Variants in ITGA8 observed in about 807,000 individuals in gnomAD.
The protein encoded by ITGA8 is integrin alpha-8.
Under a neutral mutation model 142.3 loss-of-function variants are expected in ITGA8, and 91 were observed. The observed-to-expected ratio is 0.64, with a 90% CI of 0.54 to 0.76. The LOEUF is 0.76. ITGA8 is among the 30% of genes least tolerant of loss of function. The pLI is 0.00. For synonymous variants in ITGA8, 505 were observed against 485.2 expected, an observed-to-expected ratio of 1.04 and a Z score of -0.54; for missense variants, 1,406 against 1,327.7, an observed-to-expected ratio of 1.06 and a Z score of -0.92.
chr10:15,714,154 A>G (rs1410737646), intron 2 of ITGA8, among the ~76,000 whole-genome samples: 2 of 152,204 alleles, frequency 1.3e-5, no homozygotes, highest in Non-Finnish European at 2.9e-5. Flanking sequence ...CTTGTATGCT[A>G]TACTTTGGAA....
rs771193613 is a variant in ITGA8 at position 15,604,293 on chromosome 10, T to C, written c.2033A>G (p.Asn678Ser). The stretch of plus-strand genomic sequence containing the variant: ...AGCTTCATATGCTCCTTCCCCTTCA[T>C]TTCTTGCATTTATTATGAGCATAAG... ...NHLMLIINAR[N>S]EGEGAYEAEL... Residue 678 changes from asparagine (N) to serine (S), a missense_variant, in exon 20 of 30, where the codon AAT becomes AGT. Physicochemically the swap from Asn to Ser is conservative, Grantham distance 46. Transcript: ENST00000378076. The C allele has an allele frequency of 6.2e-7, 1 of 1,612,880 alleles. No individual in the cohort carries two copies. Among genetic ancestry groups the C allele is most frequent in the South Asian group, 1.1e-5 (1 of 90,996 alleles).
intron 13 of ITGA8, among the ~76,000 whole-genome samples, chr10:15,629,770 T>G (rs1833652025): frequency 6.6e-6 from 1 of 151,806 alleles, no homozygotes; most frequent in African/African-American, 2.4e-5. Context: ...CTACTAAAAA[T>G]ATAAAAATTA....
rs1195802629 is a variant in ITGA8 at position 15,556,006 on chromosome 10, G to GTC, written c.2766+2066_2766+2067dup. On this transcript the variant is annotated intron_variant, in intron 26 of 29. Transcript: ENST00000378076. ...ATTTGCCCTGCGGTCTTCTGCCAGG[G>GTC]TCTCTCTCTCTCTTTTTTTTTTTTT... is the stretch of plus-strand genomic sequence containing the variant. Among the ~76,000 whole-genome samples, 132 of 110,614 alleles carry GTC rather than the reference G, an allele frequency of 1.2e-3. 1 individual carries two copies. The highest frequency in any genetic ancestry group is 2.2e-3 in the East Asian group (9 of 4,142). The allele number at this position is 110,614 out of a possible 152,430, so 72.6% of individuals were successfully genotyped here.
chr10:15,697,195 A>T (rs1835070309), intron 2 of ITGA8, among the ~76,000 whole-genome samples: 1 of 152,210 alleles, frequency 6.6e-6, no homozygotes, highest in African/African-American at 2.4e-5. Context: ...ACTGTTATAC[A>T]CATATGATTT....
chr10:15,631,487 G>C (rs1307609410), intron 13 of ITGA8, among the ~76,000 whole-genome samples: 1 of 151,846 alleles, frequency 6.6e-6, no homozygotes, highest in Non-Finnish European at 1.5e-5. Flanking sequence ...AACACCACAT[G>C]TTCTCACTCA....
At chr10:15,595,725 C>G (rs747368746) in intron 21 of ITGA8, among the ~76,000 whole-genome samples, 3 of 152,122 alleles carry the variant, frequency 2.0e-5, no homozygotes, top group Middle Eastern at 3.2e-3. Context: ...GTTACTACCA[C>G]CTCAATTCAT....
At chr10:15,550,919 G>A (rs1250962688) in intron 26 of ITGA8, among the ~76,000 whole-genome samples, 1 of 152,074 alleles carries the variant, frequency 6.6e-6, no homozygotes, top group Non-Finnish European at 1.5e-5. Flanking sequence ...GTGATGCTGA[G>A]GCCCTGAACT....
chr10:15,691,110 A>G (rs1481647009), intron 2 of ITGA8, among the ~76,000 whole-genome samples: 3 of 152,206 alleles, frequency 2.0e-5, no homozygotes, highest in African/African-American at 7.2e-5. Context: ...ATCCCTAATC[A>G]TCAGGGATAT....
chr10:15,644,213 T>C lies in ITGA8; in HGVS notation c.1216A>G (p.Ile406Val). The C allele has an allele frequency of 6.2e-7, 1 of 1,613,402 alleles. No homozygotes were observed. Among genetic ancestry groups the C allele is most frequent in the South Asian group, 1.1e-5 (1 of 91,036 alleles). ...TCCTTGCCTGCAAAAGGCACTCCGA[T>C]GGCAATGTCTAAAAACAGACATAAA... Reference protein sequence around the residue: ...LNQDGYNDIAIGVPFAGKDQR... With the variant: ...LNQDGYNDIAVGVPFAGKDQR... Residue 406 changes from isoleucine (I) to valine (V), a missense_variant, in exon 13 of 30, where the codon ATC becomes GTC. Coordinates refer to ENST00000378076, the MANE Select transcript of ITGA8 (RefSeq NM_003638.3).
chr10:15,580,785 T>C (rs911925243), intron 23 of ITGA8, among the ~76,000 whole-genome samples: 1 of 152,184 alleles, frequency 6.6e-6, no homozygotes, highest in Non-Finnish European at 1.5e-5. Flanking sequence ...CTCAACTTGA[T>C]AAAGGGTGTC....
At chr10:15,706,367 G>A (rs764595712) in intron 2 of ITGA8, among the ~76,000 whole-genome samples, 11 of 152,020 alleles carry the variant, frequency 7.2e-5, no homozygotes, top group East Asian at 1.9e-4. Context: ...GAAAGGGAAC[G>A]GTCTTCTACC....
At chr10:15,671,899 A>AG (rs1170437113) in intron 7 of ITGA8, among the ~76,000 whole-genome samples, 19 of 148,116 alleles carry the variant, frequency 1.3e-4, no homozygotes, top group Middle Eastern at 3.5e-3. Context: ...AAAAAAAAAA[A>AG]GAGGGAGATA....
intron 24 of ITGA8, among the ~76,000 whole-genome samples, chr10:15,573,926 A>G (rs116690771): frequency 9.7e-4 from 147 of 152,238 alleles, no homozygotes; most frequent in African/African-American, 3.4e-3. Flanking sequence ...AAAAACCTGA[A>G]TAACTACTAA....
intron 27 of ITGA8, among the ~76,000 whole-genome samples, chr10:15,547,482 G>A (rs903965898): frequency 1.3e-5 from 2 of 152,186 alleles, no homozygotes; most frequent in Non-Finnish European, 2.9e-5. Flanking sequence ...TGAGGCAGGA[G>A]AATTGCTTGA....
At chr10:15,529,505 C>T (rs888998537) in intron 28 of ITGA8, among the ~76,000 whole-genome samples, 3 of 152,170 alleles carry the variant, frequency 2.0e-5, no homozygotes, top group Non-Finnish European at 2.9e-5. Flanking sequence ...AGGCCACCTG[C>T]CTGTGCTAGA....
intron 2 of ITGA8, among the ~76,000 whole-genome samples, chr10:15,716,791 C>T (rs1835462161): frequency 6.6e-6 from 1 of 151,954 alleles, no homozygotes; most frequent in East Asian, 1.9e-4. Context: ...CTGTCTCAGC[C>T]TCCCAAGTAG....
At chr10:15,611,360 T>C (rs1833290162) in intron 15 of ITGA8, 1 of 152,186 alleles carries the variant, frequency 6.6e-6, no homozygotes, top group Admixed American at 6.6e-5. Context: ...TAAAGGGATA[T>C]ACATTTGTCC....
intron 27 of ITGA8, among the ~76,000 whole-genome samples, chr10:15,536,449 C>T (rs917994949): frequency 2.6e-5 from 4 of 152,164 alleles, no homozygotes; most frequent in African/African-American, 9.7e-5. Flanking sequence ...TTTAATAACT[C>T]ATGGAAAGCA....
chr10:15,703,018 T>A (rs958039688), intron 2 of ITGA8, among the ~76,000 whole-genome samples: 2 of 152,206 alleles, frequency 1.3e-5, no homozygotes, highest in African/African-American at 4.8e-5. Context: ...TATTCTTTCC[T>A]GGAAATCATG....
Sources: allele counts gnomAD v4.1 joint callset (sites outside exome capture counted in the v4.1 genomes callset), GRCh38; gene constraint gnomAD v4.1.1; transcripts MANE v1.5; gene names NCBI Gene and HGNC (gene_info 2026-07-23, HGNC 2026-07-21).